The following PPM1L variants were observed in gnomAD, a reference collection of about 807,000 sequenced individuals.
PPM1L encodes protein phosphatase, Mg2+/Mn2+ dependent 1L.
PPM1L carries 13 observed loss-of-function variants against 31.4 expected under a neutral mutation model. That is an observed-to-expected ratio of 0.41 (90% CI 0.27 to 0.66). The LOEUF (loss-of-function observed/expected upper bound fraction) is 0.66, where lower values mean the gene tolerates loss of function less well. Ranked by LOEUF, PPM1L falls within the 30% of genes least tolerant of loss-of-function variation. The probability of loss-of-function intolerance (pLI) is 0.29; values close to 1 mark genes in which losing one functional copy is unlikely to be tolerated. For synonymous variants in PPM1L, 184 were observed against 175.4 expected (o/e 1.05, Z -0.39); for missense variants, 326 against 453.7 (o/e 0.72, Z 2.56).
At chr3:161,003,133 A>G (rs2108054058) in intron 2 of PPM1L, among the ~76,000 whole-genome samples, 1 of 152,086 alleles carries the variant, frequency 6.6e-6, no homozygotes, top group South Asian at 2.1e-4. Flanking sequence ...AGGTTTGTCA[A>G]AGATCAGATA....
At chr3:160,822,023 C>T (rs543814264) in intron 1 of PPM1L, among the ~76,000 whole-genome samples, 1 of 151,860 alleles carries the variant, frequency 6.6e-6, no homozygotes, top group Non-Finnish European at 1.5e-5. Flanking sequence ...CCTGTATTCA[C>T]GCTATACCAT....
At chr3:160,796,639 A>G (rs906104159) in intron 1 of PPM1L, among the ~76,000 whole-genome samples, 16 of 152,216 alleles carry the variant, frequency 1.1e-4, no homozygotes, top group Non-Finnish European at 1.5e-5. Context: ...GCAGAGGAGC[A>G]TGACGAAGGG....
chr3:160,898,969 T>C (rs1261051538), intron 1 of PPM1L, among the ~76,000 whole-genome samples: 1 of 152,206 alleles, frequency 6.6e-6, no homozygotes, highest in Non-Finnish European at 1.5e-5. Context: ...AATCCATGGC[T>C]TTCTGCTACT....
intron 2 of PPM1L, among the ~76,000 whole-genome samples, chr3:160,967,740 G>T (rs970976023): frequency 2.6e-5 from 4 of 151,968 alleles, no homozygotes; most frequent in Non-Finnish European, 2.9e-5. Flanking sequence ...ATGTTTTGTG[G>T]TATAGTTGAA....
chr3:160,950,396 A>C (rs1715544649), intron 1 of PPM1L, among the ~76,000 whole-genome samples: 2 of 152,188 alleles, frequency 1.3e-5, no homozygotes, highest in Non-Finnish European at 2.9e-5. Context: ...GGGGTTACTC[A>C]CATCACGCTA....
chr3:160,955,476 T>A (rs77764214), intron 1 of PPM1L, among the ~76,000 whole-genome samples: 2,616 of 152,248 alleles, frequency 0.017, 75 homozygotes, highest in African/African-American at 0.059. Flanking sequence ...TCGGGATTCA[T>A]GCGTATTTTT....
At chr3:161,042,102 CAA>C (rs1187738029) in intron 2 of PPM1L, among the ~76,000 whole-genome samples, 1 of 152,188 alleles carries the variant, frequency 6.6e-6, no homozygotes, top group Non-Finnish European at 1.5e-5. Flanking sequence ...ATTCATCAGT[CAA>C]AACTCAGCTC....
At chr3:160,972,134 A>G (rs1230541627) in intron 2 of PPM1L, among the ~76,000 whole-genome samples, 1 of 152,226 alleles carries the variant, frequency 6.6e-6, no homozygotes, top group African/African-American at 2.4e-5. Context: ...TTATATTAAT[A>G]TGCTATCAGC....
intron 2 of PPM1L, among the ~76,000 whole-genome samples, chr3:160,975,950 G>C (rs200642783): frequency 2.0e-3 from 291 of 147,750 alleles, no homozygotes; most frequent in African/African-American, 5.6e-3. Context: ...CTGTCTTGTG[G>C]CAGTTTTCAA....
intron 2 of PPM1L, among the ~76,000 whole-genome samples, chr3:160,999,736 A>G (rs1056516784): frequency 4.6e-5 from 7 of 152,272 alleles, no homozygotes; most frequent in Admixed American, 2.0e-4. Context: ...TTACAATGCC[A>G]GTATCTCAGT....
intron 2 of PPM1L, among the ~76,000 whole-genome samples, chr3:160,994,959 C>A (rs1717260178): frequency 1.3e-5 from 2 of 152,036 alleles, no homozygotes; most frequent in Non-Finnish European, 2.9e-5. Flanking sequence ...AATGCAAGGA[C>A]CCTGAGGTGG....
At chr3:160,907,384 TAAAAC>T (rs1427259932) in intron 1 of PPM1L, among the ~76,000 whole-genome samples, 3 of 152,222 alleles carry the variant, frequency 2.0e-5, no homozygotes, top group Admixed American at 6.5e-5. Flanking sequence ...TGAAAGTAGT[TAAAAC>T]AAATCACATC....
chr3:161,057,102 C>G (rs1719434782), intron 2 of PPM1L, among the ~76,000 whole-genome samples: 1 of 152,024 alleles, frequency 6.6e-6, no homozygotes, highest in Non-Finnish European at 1.5e-5. Context: ...TAAGGCATCT[C>G]CCTGGCCCTA....
At chr3:161,061,523 A>G (rs1719568158) in intron 2 of PPM1L, among the ~76,000 whole-genome samples, 1 of 152,246 alleles carries the variant, frequency 6.6e-6, no homozygotes, top group African/African-American at 2.4e-5. Flanking sequence ...TAGGTTGTAC[A>G]TTTGTGGATT....
intron 1 of PPM1L, among the ~76,000 whole-genome samples, chr3:160,888,371 G>A (rs928242639): frequency 5.9e-5 from 9 of 152,036 alleles, no homozygotes; most frequent in African/African-American, 2.2e-4. Flanking sequence ...AGAAAGCAGG[G>A]GTTTCAATCC....
rs1262721680 is a variant in PPM1L at position 161,063,101 on chromosome 3, GAC to G, written c.575-2301_575-2300del. Among the ~76,000 whole-genome samples the G allele has an allele frequency of 3.9e-5, 6 of 152,114 alleles. No individual in the cohort carries two copies. The East Asian group carries it at 1.2e-3, about 29-fold the overall frequency. On this transcript the variant is annotated intron_variant, in intron 2 of 3. Coordinates refer to ENST00000498165, the MANE Select transcript of PPM1L (RefSeq NM_139245.4). ...TTCTATTTTACCTTTCAAACTCTAAGACTGTGCCTTATAGGAGAATTTATGCT... is the reference window on the plus strand; with the variant it reads ...TTCTATTTTACCTTTCAAACTCTAAGTGTGCCTTATAGGAGAATTTATGCT...
intron 1 of PPM1L, among the ~76,000 whole-genome samples, chr3:160,778,489 A>C (rs1711626080): frequency 6.6e-6 from 1 of 152,170 alleles, no homozygotes; most frequent in African/African-American, 2.4e-5. Context: ...AAACACACTG[A>C]ATTACTTGCG....
intron 2 of PPM1L, among the ~76,000 whole-genome samples, chr3:160,994,696 A>G (rs1055945889): frequency 2.6e-5 from 4 of 152,186 alleles, no homozygotes; most frequent in African/African-American, 9.7e-5. Context: ...ACTGTGAACA[A>G]CTCACACAAG....
At chr3:160,802,523 C>T (rs553475715) in intron 1 of PPM1L, among the ~76,000 whole-genome samples, 8 of 152,130 alleles carry the variant, frequency 5.3e-5, no homozygotes, top group Non-Finnish European at 7.3e-5. Context: ...GTTTATTGAG[C>T]GCCGGGCTGG....
Sources: gnomAD v4.1 joint callset for allele counts (sites outside exome capture counted in the v4.1 genomes callset) on GRCh38, gnomAD v4.1.1 for gene constraint, MANE v1.5 for transcripts, NCBI Gene and HGNC (gene_info 2026-07-23, HGNC 2026-07-21) for gene names.